Variants in PSMA2 observed in about 807,000 individuals in gnomAD.
PSMA2 encodes the protein proteasome 20S subunit alpha 2.
A neutral mutation model predicts 35.9 loss-of-function variants in PSMA2; 2 were observed. That is an observed-to-expected ratio of 0.06 (90% CI 0.02 to 0.18). PSMA2 has a LOEUF of 0.18. PSMA2 is among the 10% of genes least tolerant of loss of function. PSMA2 has a pLI of 1.00. For missense variants in PSMA2, 126 were observed against 278.8 expected (o/e 0.45, Z 3.90); for synonymous variants, 97 against 98.2 (o/e 0.99, Z 0.07).
At chr7:42,926,702 T>C in intron 2 of PSMA2, 34 bp from the exon 3 acceptor site, 1 of 1,573,968 alleles carries the variant, frequency 6.4e-7, no homozygotes, top group Non-Finnish European at 8.6e-7. Context: ...AAATGTTTAA[T>C]CATTTTTAAG....
At chr7:42,925,089 C>T (rs952936749) in intron 3 of PSMA2, among the ~76,000 whole-genome samples, 3 of 147,258 alleles carry the variant, frequency 2.0e-5, no homozygotes, top group South Asian at 4.4e-4. Context: ...CAAGGGCAGC[C>T]GCTTGTCTTT....
Position 42,926,503 on chromosome 7 carries a change from A to G in PSMA2, c.251+33T>C, listed in dbSNP as rs373534027. 8 of 1,519,236 alleles carry G rather than the reference A, an allele frequency of 5.3e-6. No individual in the cohort carries two copies. The African/African-American group carries it at 1.1e-4, about 22-fold the overall frequency. The allele number at this position is 1,519,236 out of a possible 1,614,324, so 94.1% of individuals were successfully genotyped here. ...ATACAGATTACAATCAATTCATGAG[A>G]TGGTGAGAAACACTATAAAAAGTAT... is the stretch of plus-strand genomic sequence containing the variant. On this transcript the variant is annotated intron_variant, in intron 3 of 7. Coordinates refer to ENST00000223321, the MANE Select transcript of PSMA2 (RefSeq NM_002787.5).
Position 42,926,573 on chromosome 7 carries a change from T to C in PSMA2, c.214A>G (p.Ile72Val). Residue 72 changes from isoleucine to valine, a missense_variant, in exon 3 of 8, where the codon ATA (isoleucine) becomes GTA (valine). Ile to Val is a conservative substitution (Grantham distance 29). Coordinates refer to ENST00000223321, the MANE Select transcript of PSMA2 (RefSeq NM_002787.5). ...CCCATGCCACTGTACACCAAACCTA[T>C]ATGCTTGGTAATTGGTTCTACTTTG... ...VHKVEPITKH[I>V]GLVYSGMGPD... The C allele has an allele frequency of 1.9e-6, 3 of 1,609,236 alleles. No homozygotes were observed. Among genetic ancestry groups the C allele is most frequent in the Non-Finnish European group, 2.5e-6 (3 of 1,178,726 alleles).
rs1716533363 is a variant in PSMA2, at chr7:42,917,771, A to T, written c.588+7T>A. The T allele has an allele frequency of 1.2e-6, 2 of 1,611,486 alleles. No homozygotes were observed. The highest frequency in any genetic ancestry group is 2.7e-5 in the African/African-American group (2 of 74,858). On this transcript the variant is annotated splice_region_variant and intron_variant, in intron 7 of 7. Transcript: ENST00000223321. ...TTATAAATCCAGTTGTTGAATACTG[A>T]GCTAACCTTTAGGGTTAAGATGGCT...
intron 1 of PSMA2, among the ~76,000 whole-genome samples, chr7:42,930,654 G>A (rs1786288649): frequency 2.6e-5 from 4 of 151,798 alleles, no homozygotes; most frequent in African/African-American, 9.7e-5. Flanking sequence ...CACTTTCTTC[G>A]CGATAAAAGA....
intron 1 of PSMA2, 30 bp downstream of exon 1, chr7:42,932,088 C>T (rs745755852): frequency 1.2e-6 from 2 of 1,613,836 alleles, no homozygotes; most frequent in East Asian, 4.5e-5. Flanking sequence ...ACCTCGACTA[C>T]GCTGAAGACC....
chr7:42,919,506 G>C (rs1786090262), intron 6 of PSMA2: 1 of 513,618 alleles, frequency 1.9e-6, no homozygotes, highest in African/African-American at 2.0e-5. Flanking sequence ...GTACAGTGAG[G>C]ATAAACAGAT....
In PSMA2 at chr7:42,917,706, G is replaced by GA; in HGVS notation, c.589-17dup. On this transcript the variant is annotated splice_polypyrimidine_tract_variant and intron_variant, in intron 7 of 7. Coordinates refer to ENST00000223321, the MANE Select transcript of PSMA2 (RefSeq NM_002787.5). ...CAAAGCTTTCCTATTGAGGAGGGAG[G>GA]AAAAAAGGTCAATTTTCTAAGCAGT... 1.2e-6 allele frequency: 2 copies of GA among 1,610,094 alleles called. No individual in the cohort carries two copies. The highest frequency in any genetic ancestry group is 1.7e-6 in the Non-Finnish European group (2 of 1,177,864).
intron 2 of PSMA2, among the ~76,000 whole-genome samples, chr7:42,927,058 T>G (rs1786227113): frequency 6.6e-6 from 1 of 152,208 alleles, no homozygotes; most frequent in Admixed American, 6.5e-5. Flanking sequence ...TGTTTTATAA[T>G]TAAGCTTTCC....
At chr7:42,927,867 T>C (rs1583608941) in intron 1 of PSMA2, among the ~76,000 whole-genome samples, 1 of 151,070 alleles carries the variant, frequency 6.6e-6, no homozygotes, top group Non-Finnish European at 1.5e-5. Context: ...GATTGCACCA[T>C]TGCACTCTAG....
chr7:42,919,758 T>C, intron 6 of PSMA2: 1 of 629,186 alleles, frequency 1.6e-6, no homozygotes, highest in Non-Finnish European at 3.0e-6. Context: ...AAGAATTTCT[T>C]GTTGCAGGTG....
rs1014161898 is a variant in PSMA2 at position 42,932,166 on chromosome 7, C to T, written c.-8G>A. 6.2e-7 allele frequency: 1 copy of T among 1,614,120 alleles called. No homozygotes were observed. The highest frequency in any genetic ancestry group is 8.5e-7 in the Non-Finnish European group (1 of 1,180,046). The stretch of plus-strand genomic sequence containing the variant: ...GTACCCGCGCTCCGCCATCTTTACC[C>T]GAAGAGCCAAAGCACAGCCGCACAC... On this transcript the variant is annotated 5_prime_UTR_variant, in exon 1 of 8. Transcript: ENST00000223321.
chr7:42,923,262 T>C (rs1214030337), intron 5 of PSMA2, 63 bp downstream of exon 5: 3 of 1,256,964 alleles, frequency 2.4e-6, no homozygotes, highest in African/African-American at 3.0e-5. Context: ...ATGGCTTCTA[T>C]TTCTGTTAGA....
rs773978494 is a variant in PSMA2 at position 42,927,511 on chromosome 7, G to A, written c.42-52C>T. 4 of 1,521,202 alleles carry A rather than the reference G, an allele frequency of 2.6e-6. No homozygotes were observed. In the African/African-American group the frequency reaches 5.5e-5, roughly 21 times the overall value. 94.2% of individuals were successfully genotyped at this position (1,521,202 alleles called of 1,614,324 possible). On this transcript the variant is annotated intron_variant, in intron 1 of 7. Coordinates refer to ENST00000223321, the MANE Select transcript of PSMA2 (RefSeq NM_002787.5). ...GTTCACATATCATCAAATATTTATT[G>A]TAAGAACATCTCTGAGATAGTACAG...
rs1227590318 is a variant in PSMA2, at chr7:42,932,017, C to T, written c.41+101G>A. The T allele has an allele frequency of 2.7e-6, 4 of 1,467,646 alleles. No individual in the cohort carries two copies. In the African/African-American group the frequency reaches 4.2e-5, roughly 15 times the overall value. 90.9% of individuals were successfully genotyped at this position (1,467,646 alleles called of 1,614,324 possible). A position where few individuals can be genotyped will look rare whatever the true frequency, so the allele number is the denominator to read the frequency against. On this transcript the variant is annotated intron_variant, in intron 1 of 7. Transcript: ENST00000223321. ...TTTCCAACTCCATTCCCTACTGGAC[C>T]CTCCAGAAGCACCAATGCCGACGTC...
intron 1 of PSMA2, among the ~76,000 whole-genome samples, chr7:42,928,316 C>T (rs1486219946): frequency 1.3e-5 from 2 of 152,156 alleles, no homozygotes; most frequent in African/African-American, 4.8e-5. Flanking sequence ...TTATTAAGAA[C>T]ATGTATGTGT....
intron 1 of PSMA2, 69 bp downstream of exon 1, chr7:42,932,049 G>A: frequency 5.6e-6 from 9 of 1,598,460 alleles, no homozygotes; most frequent in South Asian, 1.1e-5. Flanking sequence ...CGTCAGGATG[G>A]GAAAAACTAA....
chr7:42,928,605 T>TA (rs1385055238), intron 1 of PSMA2, among the ~76,000 whole-genome samples: 2 of 152,356 alleles, frequency 1.3e-5, no homozygotes, highest in East Asian at 1.9e-4. Context: ...ATTTCATAGA[T>TA]AAAGTCTGAG....
chr7:42,924,222 T>G (rs979626702), intron 4 of PSMA2, among the ~76,000 whole-genome samples: 1 of 149,760 alleles, frequency 6.7e-6, no homozygotes, highest in Non-Finnish European at 1.5e-5. Flanking sequence ...CTAAGCATGG[T>G]GATGCACGCC....
Sources: gnomAD v4.1 joint callset for allele counts (sites outside exome capture counted in the v4.1 genomes callset) on GRCh38, gnomAD v4.1.1 for gene constraint, MANE v1.5 for transcripts, NCBI Gene and HGNC (gene_info 2026-07-23, HGNC 2026-07-21) for gene names.